Variants in MAPRE2 observed in about 807,000 individuals in gnomAD.
MAPRE2 encodes microtubule associated protein RP/EB family member 2, also known as microtubule-associated protein RP/EB family member 2.
MAPRE2 carries 13 observed loss-of-function variants against 43.2 expected under a neutral mutation model. That is an observed-to-expected ratio of 0.30 (90% CI 0.20 to 0.48). MAPRE2 has a LOEUF of 0.48. MAPRE2 is among the 20% of genes least tolerant of loss of function. The probability of loss-of-function intolerance (pLI) is 0.99; values close to 1 mark genes in which losing one functional copy is unlikely to be tolerated. For missense variants in MAPRE2, 161 were observed against 400.2 expected (o/e 0.40, Z 5.10); for synonymous variants, 135 against 148.8 (o/e 0.91, Z 0.68).
intron 5 of MAPRE2, among the ~76,000 whole-genome samples, chr18:35,131,760 G>A (rs1485413818): frequency 6.6e-6 from 1 of 152,132 alleles, no homozygotes; most frequent in African/African-American, 2.4e-5. Context: ...TCCAGCCTGC[G>A]GGGAACCGCA....
At chr18:35,067,838 T>TA (rs1453620137) in intron 1 of MAPRE2, among the ~76,000 whole-genome samples, 2 of 152,354 alleles carry the variant, frequency 1.3e-5, no homozygotes, top group Admixed American at 6.5e-5. Flanking sequence ...TAGATGATTT[T>TA]AAAAATTGAC....
At chr18:35,102,877 A>G (rs1216520056) in intron 4 of MAPRE2, among the ~76,000 whole-genome samples, 2 of 152,180 alleles carry the variant, frequency 1.3e-5, no homozygotes, top group African/African-American at 4.8e-5. Flanking sequence ...TTAAGCATGA[A>G]ATCATCCAAA....
intron 1 of MAPRE2, among the ~76,000 whole-genome samples, chr18:35,048,858 C>A (rs746524104): frequency 7.9e-5 from 12 of 151,428 alleles, no homozygotes; most frequent in Non-Finnish European, 1.5e-4. Flanking sequence ...TTTTGGCTAT[C>A]CATAAAAATT....
In MAPRE2 at chr18:35,041,677, C is replaced by A. The variant is rs1432052964; in HGVS notation, c.122+16C>A. The A allele has an allele frequency of 6.2e-7, 1 of 1,614,036 alleles. No individual in the cohort carries two copies. The highest frequency in any genetic ancestry group is 1.1e-5 in the South Asian group (1 of 91,084). On this transcript the variant is annotated intron_variant, in intron 1 of 6. Coordinates refer to ENST00000300249, the MANE Select transcript of MAPRE2 (RefSeq NM_014268.4). Reference sequence around the variant, plus strand: ...GTTCCTACAGGTAATGGGGCTGGCACGAGAGCAGCGCCGGGGACCGCCGTG... The same window carrying A: ...GTTCCTACAGGTAATGGGGCTGGCAAGAGAGCAGCGCCGGGGACCGCCGTG...
chr18:35,052,137 T>C (rs576127748), intron 1 of MAPRE2, among the ~76,000 whole-genome samples: 1 of 152,194 alleles, frequency 6.6e-6, no homozygotes, highest in East Asian at 1.9e-4. Context: ...TGAGTCAGAG[T>C]TTTGGCAGTG....
intron 1 of MAPRE2, among the ~76,000 whole-genome samples, chr18:35,060,196 G>C (rs1031610813): frequency 1.3e-5 from 2 of 152,194 alleles, no homozygotes; most frequent in African/African-American, 4.8e-5. Flanking sequence ...ATGGGAAAGA[G>C]CTAAGGTCAG....
intron 2 of MAPRE2, among the ~76,000 whole-genome samples, chr18:35,014,985 A>G (rs934966723): frequency 6.6e-6 from 1 of 152,132 alleles, no homozygotes; most frequent in African/African-American, 2.4e-5. Context: ...TGAGGTTGAC[A>G]TGTCTTATCA....
At chr18:35,020,594 T>C (rs2150587357) in intron 2 of MAPRE2, among the ~76,000 whole-genome samples, 1 of 152,104 alleles carries the variant, frequency 6.6e-6, no homozygotes, top group South Asian at 2.1e-4. Context: ...AACATTTGTA[T>C]ACTGATATTA....
intron 2 of MAPRE2, among the ~76,000 whole-genome samples, chr18:35,010,369 G>A (rs1219028629): frequency 1.3e-5 from 2 of 152,226 alleles, no homozygotes; most frequent in Admixed American, 1.3e-4. Context: ...TTGTACCACT[G>A]CATACCAGCT....
At chr18:35,116,891 T>A (rs1019374693) in intron 4 of MAPRE2, among the ~76,000 whole-genome samples, 2 of 152,196 alleles carry the variant, frequency 1.3e-5, no homozygotes. Flanking sequence ...AGGGGATTAC[T>A]GTAGGATTTG....
In MAPRE2 at chr18:35,127,077, T is replaced by G; in HGVS notation, c.740T>G (p.Leu247Arg). 6.2e-7 allele frequency: 1 copy of G among 1,614,108 alleles called. No homozygotes were observed. The highest frequency in any genetic ancestry group is 8.5e-7 in the Non-Finnish European group (1 of 1,180,004). The change falls in exon 5 of 7, where the codon CTT becomes CGT. Residue 247 changes from leucine (L) to arginine (R), a missense_variant. Transcript: ENST00000300249. ...GATTTAGAAACGCAGGTCATACAGCTTAATGAACAGGTAATGCATCAGCTC... is the reference window on the plus strand; with the variant it reads ...GATTTAGAAACGCAGGTCATACAGCGTAATGAACAGGTAATGCATCAGCTC... Reference protein sequence around the residue: ...DKDLETQVIQLNEQVHSLKLA... With the variant: ...DKDLETQVIQRNEQVHSLKLA...
At chr18:34,994,645 T>C (rs1013894956) in intron 1 of MAPRE2, among the ~76,000 whole-genome samples, 1 of 152,222 alleles carries the variant, frequency 6.6e-6, no homozygotes, top group South Asian at 2.1e-4. Context: ...TTTAATTCTA[T>C]TGTAATATTT....
chr18:35,101,164 C>T (rs1908659600), intron 3 of MAPRE2, among the ~76,000 whole-genome samples: 1 of 152,200 alleles, frequency 6.6e-6, no homozygotes, highest in Admixed American at 6.5e-5. Flanking sequence ...CCCCTCTTGA[C>T]AACTAAGGAT....
chr18:35,099,721 A>G (rs774560106), intron 3 of MAPRE2, among the ~76,000 whole-genome samples: 2 of 152,350 alleles, frequency 1.3e-5, no homozygotes, highest in Middle Eastern at 3.4e-3. Context: ...GAGAAGAGCA[A>G]CATATCACCA....
intron 2 of MAPRE2, among the ~76,000 whole-genome samples, chr18:35,034,268 T>C (rs548240483): frequency 1.3e-5 from 2 of 152,238 alleles, no homozygotes; most frequent in Non-Finnish European, 2.9e-5. Context: ...GGGGAAAGGA[T>C]ACCCTATTTA....
chr18:35,058,509 G>A (rs975098319), intron 1 of MAPRE2, among the ~76,000 whole-genome samples: 1 of 151,978 alleles, frequency 6.6e-6, no homozygotes, highest in African/African-American at 2.4e-5. Context: ...AATGTACATG[G>A]TCTCTGTCCA....
intron 1 of MAPRE2, among the ~76,000 whole-genome samples, chr18:35,046,591 T>G (rs912701334): frequency 6.6e-6 from 1 of 152,166 alleles, no homozygotes; most frequent in Non-Finnish European, 1.5e-5. Flanking sequence ...TACTGAAAGT[T>G]TATTGACTGA....
intron 1 of MAPRE2, among the ~76,000 whole-genome samples, chr18:35,061,572 T>C (rs1452252632): frequency 6.6e-6 from 1 of 152,152 alleles, no homozygotes; most frequent in South Asian, 2.1e-4. Flanking sequence ...ATAAAATACG[T>C]GCAGGTCTGC....
Position 35,106,889 on chromosome 18 carries a change from A to AT in MAPRE2, c.610+4731dup, listed in dbSNP as rs1385912396. ...TTCACAATGATAGATATATAAGTAC[A>AT]TGCATCATTGTGAATCATGATGTTT... On this transcript the variant is annotated intron_variant, in intron 4 of 6. Coordinates refer to ENST00000300249, the MANE Select transcript of MAPRE2 (RefSeq NM_014268.4). Among the ~76,000 whole-genome samples the AT allele has an allele frequency of 8.5e-5, 13 of 152,310 alleles. 1 individual carries two copies. The highest frequency in any genetic ancestry group is 3.9e-4 in the Admixed American group (6 of 15,286).
Sources: allele counts gnomAD v4.1 joint callset (sites outside exome capture counted in the v4.1 genomes callset), GRCh38; gene constraint gnomAD v4.1.1; transcripts MANE v1.5; gene names NCBI Gene and HGNC (gene_info 2026-07-23, HGNC 2026-07-21).